TMOD3: variants seen among roughly 807,000 people sequenced by gnomAD.
The protein encoded by TMOD3 is tropomodulin 3.
In TMOD3, 20 loss-of-function variants were observed where a neutral mutation model predicts 39.2. The ratio of observed to expected loss-of-function variants is 0.51; its 90% CI spans 0.36 to 0.74. TMOD3 has a LOEUF of 0.74. Among genes scored for constraint, TMOD3 ranks in the 30% least tolerant of loss-of-function variants. TMOD3 has a pLI of 0.00. For synonymous variants in TMOD3, 143 were observed against 145.8 expected, an observed-to-expected ratio of 0.98 and a Z score of 0.14; for missense variants, 381 against 412.8, an observed-to-expected ratio of 0.92 and a Z score of 0.67.
chr15:51,893,936 T>C lies in TMOD3; in HGVS notation c.618T>C (p.Asn206=). The C allele has an allele frequency of 1.2e-6, 2 of 1,605,378 alleles. No homozygotes were observed. Residue 206 remains asparagine (N), a synonymous_variant, in exon 6 of 10, where the codon AAT becomes AAC. Transcript: ENST00000308580. ...NDAHLVEVNL[N]NIKNIPIPTL... ...CTCATCTTGTTGAAGTTAATTTGAATAATATAAAGGTAAGTGTGCTAATCA... is the reference window on the plus strand; with the variant it reads ...CTCATCTTGTTGAAGTTAATTTGAACAATATAAAGGTAAGTGTGCTAATCA...
chr15:51,838,705 A>G (rs954063376), intron 1 of TMOD3, among the ~76,000 whole-genome samples: 1 of 152,168 alleles, frequency 6.6e-6, no homozygotes, highest in African/African-American at 2.4e-5. Context: ...ACCCTGAGGC[A>G]GGTGCCTCCT....
intron 1 of TMOD3, among the ~76,000 whole-genome samples, chr15:51,831,617 T>C (rs1295865087): frequency 6.6e-6 from 1 of 150,952 alleles, no homozygotes; most frequent in Non-Finnish European, 1.5e-5. Flanking sequence ...ACATAATTGA[T>C]GGCTTTTTCA....
chr15:51,866,421 G>A (rs921091251), intron 2 of TMOD3, among the ~76,000 whole-genome samples: 5 of 151,814 alleles, frequency 3.3e-5, no homozygotes, highest in African/African-American at 1.2e-4. Context: ...TCGCACCACT[G>A]TACTCCAGCC....
intron 3 of TMOD3, chr15:51,884,558 CT>C (rs2056550282): frequency 6.6e-6 from 1 of 152,108 alleles, no homozygotes; most frequent in Admixed American, 6.5e-5. Flanking sequence ...ACAATTGAGG[CT>C]GGTCCAAGTG....
At chr15:51,887,430 C>T (rs571892391) in intron 3 of TMOD3, 159 bp from the exon 4 acceptor site, 35 of 758,894 alleles carry the variant, frequency 4.6e-5, no homozygotes, top group Middle Eastern at 4.1e-4. Context: ...CAAAATATTA[C>T]GCTGGAAACT....
At chr15:51,851,840 T>A (rs573574282) in intron 1 of TMOD3, among the ~76,000 whole-genome samples, 1 of 152,324 alleles carries the variant, frequency 6.6e-6, no homozygotes, top group East Asian at 1.9e-4. Context: ...CAGCCACAAC[T>A]CTAGGCAAAG....
intron 2 of TMOD3, among the ~76,000 whole-genome samples, chr15:51,864,792 G>A (rs1433627528): frequency 6.6e-6 from 1 of 152,082 alleles, no homozygotes; most frequent in African/African-American, 2.4e-5. Context: ...AGGGGGAGGG[G>A]AAATACTGGC....
chr15:51,912,992 G>C lies in TMOD3; in HGVS notation c.*4182G>C, dbSNP rs2056718764. 1 of 152,028 alleles carries C rather than the reference G, an allele frequency of 6.6e-6. No individual in the cohort carries two copies. The highest frequency in any genetic ancestry group is 2.1e-4 in the South Asian group (1 of 4,824). The allele number at this position is 152,028 out of a possible 1,614,324, so 9.4% of individuals were successfully genotyped here. On this transcript the variant is annotated 3_prime_UTR_variant, in exon 10 of 10. Transcript: ENST00000308580. ...GGCAAAGATTTTTATATTCTTTTTTGAGACCAAGTCTCACTCTGTCATCCA... is the reference window on the plus strand; with the variant it reads ...GGCAAAGATTTTTATATTCTTTTTTCAGACCAAGTCTCACTCTGTCATCCA...
chr15:51,853,142 T>G (rs117269314), intron 1 of TMOD3, among the ~76,000 whole-genome samples: 5 of 152,228 alleles, frequency 3.3e-5, no homozygotes, highest in Admixed American at 6.5e-5. Flanking sequence ...TTAGAAGATA[T>G]CTTGGTGAAC....
chr15:51,870,214 C>T (rs1460304258), intron 3 of TMOD3, among the ~76,000 whole-genome samples: 1 of 152,184 alleles, frequency 6.6e-6, no homozygotes, highest in Non-Finnish European at 1.5e-5. Context: ...GCTGGGATTA[C>T]AGGCATGAGC....
intron 1 of TMOD3, among the ~76,000 whole-genome samples, chr15:51,835,930 C>G (rs1266671179): frequency 1.3e-5 from 2 of 152,052 alleles, no homozygotes; most frequent in Non-Finnish European, 2.9e-5. Flanking sequence ...AGGTAGATCA[C>G]CCTTGTTAGT....
In TMOD3 at chr15:51,862,868, T is replaced by C; in HGVS notation, c.-17T>C. On this transcript the variant is annotated 5_prime_UTR_variant, in exon 2 of 10. Transcript: ENST00000308580. Reference sequence around the variant, plus strand: ...TACTGAACAGCAAAAATTAAGTGACTTGCTGCCCTGCACATCATGGCACTG... The same window carrying C: ...TACTGAACAGCAAAAATTAAGTGACCTGCTGCCCTGCACATCATGGCACTG... 1 of 1,607,562 alleles carries C rather than the reference T, an allele frequency of 6.2e-7. No individual in the cohort carries two copies. The highest frequency in any genetic ancestry group is 1.1e-5 in the South Asian group (1 of 89,422).
At chr15:51,852,042 C>G (rs902296976) in intron 1 of TMOD3, among the ~76,000 whole-genome samples, 3 of 152,186 alleles carry the variant, frequency 2.0e-5, no homozygotes, top group African/African-American at 7.2e-5. Flanking sequence ...ATTGCTGTCT[C>G]GTATTACCTT....
intron 3 of TMOD3, among the ~76,000 whole-genome samples, chr15:51,875,496 T>C (rs560716175): frequency 1.3e-5 from 2 of 152,274 alleles, no homozygotes; most frequent in East Asian, 3.9e-4. Context: ...ATGGACGGCT[T>C]GTTACTCATG....
intron 9 of TMOD3, among the ~76,000 whole-genome samples, chr15:51,904,391 A>G (rs1230908344): frequency 2.0e-5 from 3 of 152,234 alleles, no homozygotes; most frequent in African/African-American, 7.2e-5. Flanking sequence ...GACACACAAT[A>G]GGTACTTAAG....
intron 5 of TMOD3, among the ~76,000 whole-genome samples, chr15:51,891,100 A>G (rs1475013303): frequency 6.6e-6 from 1 of 152,192 alleles, no homozygotes; most frequent in Admixed American, 6.5e-5. Flanking sequence ...ATATCATGTA[A>G]TACCCAGTCT....
intron 3 of TMOD3, among the ~76,000 whole-genome samples, chr15:51,870,604 A>G (rs2056470257): frequency 6.6e-6 from 1 of 152,300 alleles, no homozygotes; most frequent in African/African-American, 2.4e-5. Context: ...CAGCTTCTAT[A>G]GTAGAGGAAG....
intron 3 of TMOD3, among the ~76,000 whole-genome samples, chr15:51,882,287 C>A (rs559446270): frequency 2.6e-5 from 4 of 151,804 alleles, no homozygotes; most frequent in Admixed American, 2.0e-4. Flanking sequence ...ACCTGTAATC[C>A]CAGCACTTTG....
chr15:51,902,852 C>T (rs1267455879), intron 9 of TMOD3, among the ~76,000 whole-genome samples: 2 of 151,988 alleles, frequency 1.3e-5, no homozygotes, highest in Admixed American at 6.6e-5. Flanking sequence ...AGGGTTTCAC[C>T]GTGTTAGCCA....
Sources: allele counts gnomAD v4.1 joint callset (sites outside exome capture counted in the v4.1 genomes callset), GRCh38; gene constraint gnomAD v4.1.1; transcripts MANE v1.5; gene names NCBI Gene and HGNC (gene_info 2026-07-23, HGNC 2026-07-21).